The following LAMB1 variants were observed in gnomAD, a reference collection of about 807,000 sequenced individuals.
The protein encoded by LAMB1 is laminin subunit beta-1.
In LAMB1, 121 loss-of-function variants were observed where a neutral mutation model predicts 222.3. The observed-to-expected ratio is 0.54, with a 90% CI of 0.47 to 0.63. The LOEUF (loss-of-function observed/expected upper bound fraction) is 0.63, where lower values mean the gene tolerates loss of function less well. LAMB1 is among the 30% of genes least tolerant of loss of function. The probability of loss-of-function intolerance (pLI) is 0.00; values close to 1 mark genes in which losing one functional copy is unlikely to be tolerated. For missense variants in LAMB1, 2,172 were observed against 2,240.8 expected (o/e 0.97, Z 0.62); for synonymous variants, 794 against 807.2 (o/e 0.98, Z 0.28).
Position 107,923,933 on chromosome 7 carries a change from A to G in LAMB1, c.*18T>C, listed in dbSNP as rs1166880561. On this transcript the variant is annotated 3_prime_UTR_variant, in exon 34 of 34. Transcript: ENST00000222399. ...TTGTTTTACCTTGTTCACCTCAGCC[A>G]TTTTTTATTCTCCTCTGTTACAAGC... 3.8e-6 allele frequency: 6 copies of G among 1,596,356 alleles called. No individual in the cohort carries two copies. The highest frequency in any genetic ancestry group is 4.3e-6 in the Non-Finnish European group (5 of 1,175,110).
chr7:107,969,066 A>C (rs1019785501), intron 13 of LAMB1, among the ~76,000 whole-genome samples: 1 of 152,246 alleles, frequency 6.6e-6, no homozygotes, highest in East Asian at 1.9e-4. Context: ...AGGCGAGCGG[A>C]TCAAGAGGTC....
At position 107,982,573 on chromosome 7, in the gene LAMB1, G is replaced by C. The variant is rs977902563; in HGVS notation, c.677-1762C>G. Among the ~76,000 whole-genome samples the C allele has an allele frequency of 3.9e-5, 6 of 151,980 alleles. No individual in the cohort carries two copies. In the South Asian group the frequency reaches 1.2e-3, roughly 31 times the overall value. ...CATTTTCTCCTGCACAAATCCTCCT[G>C]CACAAAATGAGCACAAGCGCCTATT... On this transcript the variant is annotated intron_variant, in intron 7 of 33. Coordinates refer to ENST00000222399, the MANE Select transcript of LAMB1 (RefSeq NM_002291.3).
intron 13 of LAMB1, among the ~76,000 whole-genome samples, chr7:107,969,759 C>T (rs1191123137): frequency 6.6e-6 from 1 of 152,126 alleles, no homozygotes; most frequent in Non-Finnish European, 1.5e-5. Flanking sequence ...GTATTGAATA[C>T]CATAGGCAAT....
intron 2 of LAMB1, 41 bp from the exon 3 acceptor site, chr7:108,001,774 A>T (rs750498130): frequency 5.6e-6 from 9 of 1,605,082 alleles, no homozygotes; most frequent in Non-Finnish European, 7.7e-6. Context: ...GGACACAAGC[A>T]GGGAGTGGAG....
intron 7 of LAMB1, among the ~76,000 whole-genome samples, chr7:107,984,341 T>C (rs950654190): frequency 2.0e-5 from 3 of 152,122 alleles, no homozygotes; most frequent in African/African-American, 7.2e-5. Flanking sequence ...CTCCACCTCC[T>C]GGGTTCAAGC....
chr7:107,971,682 A>G (rs1584518672), intron 13 of LAMB1, among the ~76,000 whole-genome samples: 1 of 152,190 alleles, frequency 6.6e-6, no homozygotes, highest in African/African-American at 2.4e-5. Context: ...TTGCTTCCCA[A>G]ACTCTCTTGG....
chr7:107,992,155 G>GAATGAT (rs1367262569), intron 5 of LAMB1, among the ~76,000 whole-genome samples: 6 of 152,158 alleles, frequency 3.9e-5, no homozygotes, highest in Non-Finnish European at 7.3e-5. Context: ...CTCCGGCCAT[G>GAATGAT]AATGGCCTTT....
At chr7:107,952,891 T>G (rs1259190214) in intron 22 of LAMB1, among the ~76,000 whole-genome samples, 1 of 152,154 alleles carries the variant, frequency 6.6e-6, no homozygotes, top group African/African-American at 2.4e-5. Flanking sequence ...TATTTAGGAT[T>G]TCGAAGTCCA....
Position 107,994,857 on chromosome 7 carries a change from T to C in LAMB1, c.423+30A>G, listed in dbSNP as rs1391325474. ...GGACATTACACAGTGCTCTCATGTG[T>C]CATTTGTGAGAAAGTCATGGATTTC... On this transcript the variant is annotated intron_variant, in intron 5 of 33. Transcript: ENST00000222399. The C allele has an allele frequency of 6.1e-6, 8 of 1,306,372 alleles. No homozygotes were observed. In the Middle Eastern group the frequency reaches 7.4e-4, roughly 121 times the overall value. 80.9% of individuals were successfully genotyped at this position (1,306,372 alleles called of 1,614,324 possible). A position where few individuals can be genotyped will look rare whatever the true frequency, so the allele number is the denominator to read the frequency against.
At chr7:107,967,707 A>T (rs2033662536) in intron 13 of LAMB1, among the ~76,000 whole-genome samples, 1 of 152,138 alleles carries the variant, frequency 6.6e-6, no homozygotes, top group South Asian at 2.1e-4. Context: ...ATGAATCCTT[A>T]CTTCCTCACT....
intron 5 of LAMB1, among the ~76,000 whole-genome samples, chr7:107,993,636 A>G (rs2150452123): frequency 6.6e-6 from 1 of 152,350 alleles, no homozygotes; most frequent in South Asian, 2.1e-4. Context: ...CAAAGGAAAA[A>G]ATAGGATCAT....
At chr7:107,959,161 TG>T in intron 20 of LAMB1, 87 bp downstream of exon 20, 1 of 1,005,430 alleles carries the variant, frequency 9.9e-7, no homozygotes, top group Non-Finnish European at 1.5e-6. Flanking sequence ...AGCTGAAGCC[TG>T]GTGGAGATGA....
At chr7:107,971,462 C>G (rs2033747249) in intron 13 of LAMB1, among the ~76,000 whole-genome samples, 1 of 152,188 alleles carries the variant, frequency 6.6e-6, no homozygotes, top group Non-Finnish European at 1.5e-5. Context: ...TCAGTTGACC[C>G]TGCCTAAGGG....
At chr7:107,963,672 T>A (rs2033561553) in intron 14 of LAMB1, among the ~76,000 whole-genome samples, 1 of 152,252 alleles carries the variant, frequency 6.6e-6, no homozygotes, top group South Asian at 2.1e-4. Flanking sequence ...AGGTGCAAAC[T>A]ATGTTATCCT....
At position 107,975,103 on chromosome 7, in the gene LAMB1, A is replaced by G. The variant is rs1463406862; in HGVS notation, c.1370-5T>C. Reference sequence around the variant, plus strand: ...CCAGAGGATTGCAAGCACAAGCTGTATTAAAACAAAATGAAGTGGAGAAAC... The same window carrying G: ...CCAGAGGATTGCAAGCACAAGCTGTGTTAAAACAAAATGAAGTGGAGAAAC... On this transcript the variant is annotated splice_region_variant and splice_polypyrimidine_tract_variant and intron_variant, in intron 11 of 33. Coordinates refer to ENST00000222399, the MANE Select transcript of LAMB1 (RefSeq NM_002291.3). 8.2e-6 allele frequency: 13 copies of G among 1,593,840 alleles called. No individual in the cohort carries two copies. Among genetic ancestry groups the G allele is most frequent in the Non-Finnish European group, 1.0e-5 (12 of 1,161,756 alleles).
At chr7:107,976,904 G>A (rs12705428) in intron 9 of LAMB1, among the ~76,000 whole-genome samples, 1 of 20,824 alleles carries the variant, frequency 4.8e-5, no homozygotes, top group African/African-American at 2.4e-4. Flanking sequence ...CTTTCCTCTT[G>A]CTCCTTCCTT....
At chr7:107,932,052 G>C in intron 28 of LAMB1, 122 bp downstream of exon 28, 1 of 878,486 alleles carries the variant, frequency 1.1e-6, no homozygotes, top group Non-Finnish European at 1.9e-6. Context: ...TTTCATATTT[G>C]ATTGTGATAT....
chr7:107,960,341 C>T, intron 18 of LAMB1, 104 bp downstream of exon 18: 2 of 751,370 alleles, frequency 2.7e-6, no homozygotes, highest in Non-Finnish European at 2.3e-6. Flanking sequence ...TTCCCTTGTG[C>T]TGCCTAACAC....
intron 9 of LAMB1, among the ~76,000 whole-genome samples, chr7:107,977,337 C>G (rs1430701504): frequency 6.6e-6 from 1 of 152,094 alleles, no homozygotes; most frequent in Non-Finnish European, 1.5e-5. Flanking sequence ...ACATCTCCAC[C>G]CGGAGAAAAC....
Sources: allele counts gnomAD v4.1 joint callset (sites outside exome capture counted in the v4.1 genomes callset), GRCh38; gene constraint gnomAD v4.1.1; transcripts MANE v1.5; gene names NCBI Gene and HGNC (gene_info 2026-07-23, HGNC 2026-07-21).